Variants in KCNQ2 observed in about 807,000 individuals in gnomAD.
KCNQ2 encodes the protein potassium voltage-gated channel subfamily Q member 2, also known as potassium voltage-gated channel subfamily KQT member 2.
In KCNQ2, 14 loss-of-function variants were observed where a neutral mutation model predicts 84.8. The ratio of observed to expected loss-of-function variants is 0.17; its 90% confidence interval spans 0.11 to 0.26. The LOEUF (loss-of-function observed/expected upper bound fraction) is 0.26. KCNQ2 is among the 10% of genes least tolerant of loss of function. KCNQ2 has a pLI of 1.00. For synonymous variants in KCNQ2, 599 were observed against 554.1 expected, an observed-to-expected ratio of 1.08 and a Z score of -1.14; for missense variants, 788 against 1,254.0, an observed-to-expected ratio of 0.63 and a Z score of 5.61.
rs976879603 is a variant in KCNQ2, at chr20:63,424,281, C to T, written c.1218-75G>A. 7 of 1,504,470 alleles carry T rather than the reference C, an allele frequency of 4.7e-6. No homozygotes were observed. The African/African-American group carries it at 8.3e-5, about 18-fold the overall frequency. 93.2% of individuals were successfully genotyped at this position (1,504,470 alleles called of 1,614,324 possible). On this transcript the variant is annotated intron_variant, in intron 10 of 16. Coordinates refer to ENST00000359125, the MANE Select transcript of KCNQ2 (RefSeq NM_172107.4). ...GAGGGTCCCCCAACCAGTCCAGCCCCCCACAGTCCCATGGGTCAGGGGCTG... is the reference window on the plus strand; with the variant it reads ...GAGGGTCCCCCAACCAGTCCAGCCCTCCACAGTCCCATGGGTCAGGGGCTG...
intron 15 of KCNQ2, chr20:63,411,013 G>T (rs988438096): frequency 4.4e-6 from 2 of 456,256 alleles, no homozygotes; most frequent in African/African-American, 2.0e-5. Context: ...AATCACTAAA[G>T]AACTGGCTTC....
In KCNQ2 at chr20:63,414,174, C is replaced by A. The variant is rs117067974; in HGVS notation, c.1545G>T (p.Glu515Asp). Residue 515 changes from glutamate (E) to aspartate (D), a missense_variant, in exon 14 of 17, where the codon GAG becomes GAT. Glu to Asp is a conservative substitution (Grantham distance 45, BLOSUM62 2). Around this residue, in one of 8 missense-constraint regions of KCNQ2, gnomAD observed 202 missense variants for 239.4 expected, o/e 0.84. Transcript: ENST00000359125. This position sits in a 1 kb window ranked among gnomAD's most constrained non-coding sequence, Gnocchi z 6.6. ...GGCAGCTCTTGTCATCCACAATGTC[C>A]TCTCCGGGGAGGCTTGCTTCTGGGG... is the stretch of plus-strand genomic sequence containing the variant. ...QNSEEASLPG[E>D]DIVDDKSCPC... 86 of 1,613,490 alleles carry A rather than the reference C, an allele frequency of 5.3e-5. 1 individual carries two copies. Among genetic ancestry groups the A allele is most frequent in the Non-Finnish European group, 7.2e-5 (85 of 1,179,886 alleles).
At chr20:63,455,697 G>C (rs1288962369) in intron 1 of KCNQ2, among the ~76,000 whole-genome samples, 2 of 151,756 alleles carry the variant, frequency 1.3e-5, no homozygotes, top group African/African-American at 4.8e-5. Flanking sequence ...GTTAAGGCCG[G>C]ACCACAGTCC....
chr20:63,471,836 C>G (rs2082223769), intron 1 of KCNQ2: 1 of 298,632 alleles, frequency 3.3e-6, no homozygotes, highest in African/African-American at 2.2e-5. Context: ...GCCGCCGTCC[C>G]TCCCCGGCCG....
chr20:63,465,662 C>T (rs561859373), intron 1 of KCNQ2, among the ~76,000 whole-genome samples: 54 of 152,316 alleles, frequency 3.5e-4, no homozygotes, highest in African/African-American at 1.0e-3. Flanking sequence ...CCTCCTCCTT[C>T]GACCTTGCAT....
intron 12 of KCNQ2, among the ~76,000 whole-genome samples, chr20:63,416,792 A>G (rs577001529): frequency 2.5e-4 from 38 of 152,112 alleles, no homozygotes; most frequent in African/African-American, 7.9e-4. Flanking sequence ...ATAACCAGCC[A>G]CAGACATGAG....
At chr20:63,440,693 G>A (rs1010908016) in intron 5 of KCNQ2, among the ~76,000 whole-genome samples, 4 of 152,206 alleles carry the variant, frequency 2.6e-5, no homozygotes, top group East Asian at 1.9e-4. Context: ...TTCCGAGGAC[G>A]CTGCTGTGTG....
intron 1 of KCNQ2, among the ~76,000 whole-genome samples, chr20:63,452,079 G>A (rs1209650813): frequency 2.6e-5 from 4 of 152,272 alleles, no homozygotes; most frequent in Non-Finnish European, 4.4e-5. Flanking sequence ...AGAGCCAACT[G>A]AGGCCTGGCA....
intron 3 of KCNQ2, 136 bp downstream of exon 3, chr20:63,445,102 G>T: frequency 8.1e-7 from 1 of 1,237,574 alleles, no homozygotes; most frequent in Non-Finnish European, 1.2e-6. Context: ...GTCAGCAGGT[G>T]AAAAGAAACT....
intron 2 of KCNQ2, 28 bp from the exon 3 acceptor site, chr20:63,445,392 T>G (rs769238122): frequency 1.9e-6 from 3 of 1,611,588 alleles, no homozygotes; most frequent in African/African-American, 1.3e-5. Flanking sequence ...TGAGGCCACC[T>G]TGAGGCCTGG....
Position 63,436,306 on chromosome 20 carries a change from A to C in KCNQ2, c.1023+2319T>G, listed in dbSNP as rs527810283. On this transcript the variant is annotated intron_variant, in intron 7 of 16. Coordinates refer to ENST00000359125, the MANE Select transcript of KCNQ2 (RefSeq NM_172107.4). ...CAGCACTTTGGGAGGCCAAGGCGGG[A>C]GGATCACGAAGTCAGGAGATCGAGA... is the stretch of plus-strand genomic sequence containing the variant. 1.6e-4 allele frequency among the ~76,000 whole-genome samples: 25 copies of C among 152,248 alleles called. No individual in the cohort carries two copies. In the South Asian group the frequency reaches 3.5e-3, roughly 21 times the overall value.
At chr20:63,465,322 G>A (rs1023502172) in intron 1 of KCNQ2, among the ~76,000 whole-genome samples, 1 of 152,244 alleles carries the variant, frequency 6.6e-6, no homozygotes, top group Non-Finnish European at 1.5e-5. Flanking sequence ...AGCTCTGTGG[G>A]TACAGCTTTC....
intron 7 of KCNQ2, among the ~76,000 whole-genome samples, chr20:63,437,141 G>A (rs976784612): frequency 1.3e-5 from 2 of 152,126 alleles, no homozygotes; most frequent in Non-Finnish European, 2.9e-5. Flanking sequence ...CTTTATTGCC[G>A]TATCTCTACC....
At chr20:63,419,477 G>A (rs2080400062) in intron 12 of KCNQ2, 142 bp downstream of exon 12, 3 of 784,002 alleles carry the variant, frequency 3.8e-6, no homozygotes, top group South Asian at 1.6e-5. Flanking sequence ...AGAGGGAGCT[G>A]AGCCCGCACC....
Position 63,472,383 on chromosome 20 carries a change from C to T in KCNQ2, c.81G>A (p.Leu27=), listed in dbSNP as rs373897282. 1.0e-4 allele frequency: 156 copies of T among 1,536,254 alleles called. No individual in the cohort carries two copies. The African/African-American group carries it at 2.0e-3, about 19-fold the overall frequency. The change falls in exon 1 of 17, where the codon CTG becomes CTA. Residue 27 remains leucine, a synonymous_variant. Transcript: ENST00000359125. ...GGGTGGAGTCGGGCGCGCCGGGGTC[C>T]AGCCCCACGAAGCCCACCTTCAGCT... ...EKKLKVGFVG[L]DPGAPDSTRD...
chr20:63,409,483 GC>G (rs2080048445), intron 15 of KCNQ2, among the ~76,000 whole-genome samples: 1 of 152,226 alleles, frequency 6.6e-6, no homozygotes, highest in South Asian at 2.1e-4. Context: ...GCTGGCAGGG[GC>G]CACCACGGTG....
Position 63,406,113 on chromosome 20 carries a change from CAG to C in KCNQ2, c.*529_*530del, listed in dbSNP as rs939132762. The C allele has an allele frequency of 5.1e-5, 8 of 155,606 alleles. No individual in the cohort carries two copies. The highest frequency in any genetic ancestry group is 1.9e-4 in the African/African-American group (8 of 41,588). The allele number at this position is 155,606 out of a possible 1,614,324, so 9.6% of individuals were successfully genotyped here. On this transcript the variant is annotated 3_prime_UTR_variant, in exon 17 of 17. Coordinates refer to ENST00000359125, the MANE Select transcript of KCNQ2 (RefSeq NM_172107.4). Reference sequence around the variant, plus strand: ...GTGGGGAACAGGAAAGCCCGCCGGGCAGGTCAGGTGTGAAGGCAGAGGCCACG... The same window carrying C: ...GTGGGGAACAGGAAAGCCCGCCGGGCGTCAGGTGTGAAGGCAGAGGCCACG...
rs1273846883 is a variant in KCNQ2 at position 63,451,680 on chromosome 20, G to A, written c.297-4843C>T. ...TGCTGTTCCAGGCTCGATTCACGACGGACACCCCCACGGCTTCCCTCTGCC... is the reference window on the plus strand; with the variant it reads ...TGCTGTTCCAGGCTCGATTCACGACAGACACCCCCACGGCTTCCCTCTGCC... On this transcript the variant is annotated intron_variant, in intron 1 of 16. Coordinates refer to ENST00000359125, the MANE Select transcript of KCNQ2 (RefSeq NM_172107.4). Among the ~76,000 whole-genome samples the A allele has an allele frequency of 2.6e-5, 4 of 152,196 alleles. 1 individual carries two copies. Among genetic ancestry groups the A allele is most frequent in the South Asian group, 4.2e-4 (2 of 4,816 alleles).
At chr20:63,464,584 G>A (rs1240164914) in intron 1 of KCNQ2, among the ~76,000 whole-genome samples, 5 of 152,078 alleles carry the variant, frequency 3.3e-5, no homozygotes, top group Admixed American at 2.0e-4. Flanking sequence ...TAACCCCACA[G>A]GGAGCACAGC....
Sources: allele counts gnomAD v4.1 joint callset (sites outside exome capture counted in the v4.1 genomes callset), GRCh38; gene constraint gnomAD v4.1.1; regional missense constraint gnomAD v4.1.1; non-coding constraint Gnocchi (gnomAD v3.1); transcripts MANE v1.5; gene names NCBI Gene and HGNC (gene_info 2026-07-23, HGNC 2026-07-21).